The following STXBP5L variants were observed in gnomAD, a reference collection of about 807,000 sequenced individuals.
STXBP5L encodes the protein syntaxin binding protein 5L.
STXBP5L carries 65 observed loss-of-function variants against 144.5 expected under a neutral mutation model. The observed-to-expected ratio is 0.45, with a 90% confidence interval of 0.37 to 0.55. STXBP5L has a LOEUF of 0.55. STXBP5L is among the 20% of genes least tolerant of loss of function. The pLI is 0.00. For synonymous variants in STXBP5L, 505 were observed against 469.6 expected (o/e 1.08, Z -0.97); for missense variants, 1,298 against 1,405.5 (o/e 0.92, Z 1.22).
At chr3:121,136,040 G>A (rs1159211879) in intron 7 of STXBP5L, among the ~76,000 whole-genome samples, 1 of 152,044 alleles carries the variant, frequency 6.6e-6, no homozygotes, top group African/African-American at 2.4e-5. Context: ...CTTAGGCCCT[G>A]AAGAAACCTC....
intron 3 of STXBP5L, among the ~76,000 whole-genome samples, chr3:120,988,674 T>C (rs1247647259): frequency 3.9e-5 from 6 of 152,044 alleles, no homozygotes; most frequent in Admixed American, 3.3e-4. Context: ...CTTTAAAAAA[T>C]TTTTTTAGAG....
chr3:121,368,591 T>C (rs2045934661), intron 20 of STXBP5L, among the ~76,000 whole-genome samples: 1 of 152,174 alleles, frequency 6.6e-6, no homozygotes, highest in African/African-American at 2.4e-5. Context: ...AATAATGTAA[T>C]AACTCTGGAA....
chr3:121,414,951 G>C (rs915884844), intron 24 of STXBP5L, among the ~76,000 whole-genome samples: 3 of 152,154 alleles, frequency 2.0e-5, no homozygotes, highest in African/African-American at 7.2e-5. Context: ...AATAGGAGTG[G>C]AAAGGAAGGA....
rs1011303102 is a variant in STXBP5L, at chr3:121,235,420, A to G, written c.1184+1732A>G. Among the ~76,000 whole-genome samples, 5 of 152,136 alleles carry G rather than the reference A, an allele frequency of 3.3e-5. 1 individual carries two copies. The highest frequency in any genetic ancestry group is 4.1e-4 in the South Asian group (2 of 4,824). ...GATTTCTTTATGTCTAAATTCCTCT[A>G]GTAAGTTTTTAGTTATTATTTCTCT... On this transcript the variant is annotated intron_variant, in intron 12 of 26. Coordinates refer to ENST00000471454, the MANE Select transcript of STXBP5L (RefSeq NM_001308330.2).
At chr3:121,057,760 A>AT (rs746167720) in intron 5 of STXBP5L, among the ~76,000 whole-genome samples, 1 of 151,838 alleles carries the variant, frequency 6.6e-6, no homozygotes, top group African/African-American at 2.4e-5. Context: ...TTGCATTTCT[A>AT]TTTTTTATAA....
intron 9 of STXBP5L, among the ~76,000 whole-genome samples, chr3:121,173,997 C>A (rs967539170): frequency 6.6e-6 from 1 of 151,948 alleles, no homozygotes; most frequent in African/African-American, 2.4e-5. Flanking sequence ...CTGTGATATG[C>A]AATATGCTGG....
intron 3 of STXBP5L, among the ~76,000 whole-genome samples, chr3:120,955,495 T>G (rs1040306723): frequency 6.6e-6 from 1 of 152,096 alleles, no homozygotes. Context: ...ATTTGAGAAC[T>G]TTCTTCTTTT....
chr3:121,151,418 C>A lies in STXBP5L; in HGVS notation c.670-1059C>A, dbSNP rs923730210. On this transcript the variant is annotated intron_variant, in intron 7 of 26. Coordinates refer to ENST00000471454, the MANE Select transcript of STXBP5L (RefSeq NM_001308330.2). ...TGCTTTAATGAACTGATATTTGAAA[C>A]CTTTTGTGTTTTTACTGCGAAAACT... Among the ~76,000 whole-genome samples, 7 of 151,914 alleles carry A rather than the reference C, an allele frequency of 4.6e-5. No homozygotes were observed. In the South Asian group the frequency reaches 6.2e-4, roughly 13 times the overall value.
chr3:120,943,443 TTTAAA>T (rs1057363912), intron 2 of STXBP5L, among the ~76,000 whole-genome samples: 33 of 151,492 alleles, frequency 2.2e-4, no homozygotes, highest in African/African-American at 7.5e-4. Context: ...AAACTCAAAA[TTTAAA>T]TTAAGGAAAG....
At chr3:120,970,071 C>T (rs1449770908) in intron 3 of STXBP5L, among the ~76,000 whole-genome samples, 1 of 151,972 alleles carries the variant, frequency 6.6e-6, no homozygotes, top group East Asian at 1.9e-4. Context: ...AAACCAAACC[C>T]TACCCTTTAA....
At chr3:121,002,717 C>A (rs559755792) in intron 3 of STXBP5L, among the ~76,000 whole-genome samples, 2 of 151,504 alleles carry the variant, frequency 1.3e-5, no homozygotes, top group Non-Finnish European at 2.9e-5. Flanking sequence ...CCCCCCACCC[C>A]ACAACAGGCC....
intron 9 of STXBP5L, among the ~76,000 whole-genome samples, chr3:121,189,280 A>T (rs1372969200): frequency 6.6e-6 from 1 of 152,160 alleles, no homozygotes; most frequent in Non-Finnish European, 1.5e-5. Context: ...GGTGTTTTAA[A>T]CATGAAGTCC....
At chr3:121,015,117 C>A (rs1448698182) in intron 3 of STXBP5L, among the ~76,000 whole-genome samples, 1 of 152,078 alleles carries the variant, frequency 6.6e-6, no homozygotes, top group African/African-American at 2.4e-5. Flanking sequence ...CAATCCTAAT[C>A]ATGATCTCAG....
intron 19 of STXBP5L, among the ~76,000 whole-genome samples, chr3:121,304,744 G>A (rs1453276494): frequency 6.6e-6 from 1 of 151,946 alleles, no homozygotes; most frequent in East Asian, 1.9e-4. Flanking sequence ...AACATTAGAT[G>A]TTATGTTAGA....
intron 3 of STXBP5L, among the ~76,000 whole-genome samples, chr3:120,977,560 G>T (rs1174380090): frequency 6.6e-6 from 1 of 152,088 alleles, no homozygotes. Context: ...AGTTAATATT[G>T]TTATGTGTGA....
At chr3:121,100,051 C>G (rs2043334096) in intron 5 of STXBP5L, among the ~76,000 whole-genome samples, 1 of 152,098 alleles carries the variant, frequency 6.6e-6, no homozygotes, top group Non-Finnish European at 1.5e-5. Context: ...GAAAATTTAA[C>G]TATCCCAAAT....
intron 3 of STXBP5L, among the ~76,000 whole-genome samples, chr3:120,980,460 CTTTT>C (rs35037881): frequency 6.9e-6 from 1 of 144,838 alleles, no homozygotes; most frequent in Non-Finnish European, 1.5e-5. Context: ...TAATGTCCTG[CTTTT>C]TTTTTTTTTA....
At position 121,366,957 on chromosome 3, in the gene STXBP5L, C is replaced by T. The variant is rs143593776; in HGVS notation, c.2177-11759C>T. Among the ~76,000 whole-genome samples the T allele has an allele frequency of 1.4e-3, 215 of 152,102 alleles. 1 individual carries two copies. The highest frequency in any genetic ancestry group is 4.8e-3 in the African/African-American group (198 of 41,508). The stretch of plus-strand genomic sequence containing the variant: ...TACCATTTGGCTTACATTTAATATC[C>T]TAAAGTTATAACACTAAGATTTGAA... On this transcript the variant is annotated intron_variant, in intron 20 of 26. Coordinates refer to ENST00000471454, the MANE Select transcript of STXBP5L (RefSeq NM_001308330.2).
At chr3:121,044,514 A>G (rs73187495) in intron 4 of STXBP5L, among the ~76,000 whole-genome samples, 5,408 of 152,262 alleles carry the variant, frequency 0.036, 146 homozygotes, top group Middle Eastern at 0.082. Flanking sequence ...TGGAAAATAT[A>G]AAAAGCCTTT....
Sources: gnomAD v4.1 joint callset for allele counts (sites outside exome capture counted in the v4.1 genomes callset) on GRCh38, gnomAD v4.1.1 for gene constraint, MANE v1.5 for transcripts, NCBI Gene and HGNC (gene_info 2026-07-23, HGNC 2026-07-21) for gene names.